VPS41: variants seen among roughly 807,000 people sequenced by gnomAD.
The protein encoded by VPS41 is VPS41 subunit of HOPS complex.
Under a neutral mutation model 130.9 loss-of-function variants are expected in VPS41, and 85 were observed. The observed-to-expected ratio is 0.65, with a 90% confidence interval of 0.55 to 0.78. The LOEUF (loss-of-function observed/expected upper bound fraction) is 0.78. VPS41 is among the 30% of genes least tolerant of loss of function. The pLI is 0.00. For synonymous variants in VPS41, 335 were observed against 332.9 expected, an observed-to-expected ratio of 1.01 and a Z score of -0.07; for missense variants, 874 against 1,018.7, an observed-to-expected ratio of 0.86 and a Z score of 1.93.
intron 2 of VPS41, among the ~76,000 whole-genome samples, chr7:38,882,869 C>T (rs1786643294): frequency 6.6e-6 from 1 of 152,214 alleles, no homozygotes; most frequent in Non-Finnish European, 1.5e-5. Flanking sequence ...ACTTATCCTC[C>T]TTAGACATTT....
intron 2 of VPS41, among the ~76,000 whole-genome samples, chr7:38,891,255 C>T (rs747937325): frequency 7.3e-5 from 11 of 151,626 alleles, no homozygotes; most frequent in Non-Finnish European, 1.5e-4. Context: ...ATATGTTTTG[C>T]TAAAAAAAAG....
At chr7:38,837,005 A>C (rs1009079064) in intron 4 of VPS41, among the ~76,000 whole-genome samples, 3 of 152,268 alleles carry the variant, frequency 2.0e-5, no homozygotes, top group East Asian at 3.8e-4. Flanking sequence ...TAAGATACTA[A>C]GAAATAGAAA....
intron 7 of VPS41, among the ~76,000 whole-genome samples, chr7:38,809,102 T>TAACAAA (rs1484337294): frequency 6.6e-6 from 1 of 152,156 alleles, no homozygotes; most frequent in Admixed American, 6.5e-5. Context: ...AGGCAACTGA[T>TAACAAA]AATGTTAATT....
intron 19 of VPS41, among the ~76,000 whole-genome samples, chr7:38,756,213 TACACACACAC>T (rs3839727): frequency 1.0e-4 from 15 of 146,554 alleles, no homozygotes; most frequent in South Asian, 4.5e-4. Context: ...AGATTTCTTT[TACACACACAC>T]ACACACACAC....
intron 25 of VPS41, among the ~76,000 whole-genome samples, chr7:38,729,114 A>G (rs1584358824): frequency 6.6e-6 from 1 of 152,210 alleles, no homozygotes; most frequent in Admixed American, 6.5e-5. Context: ...TTGCTACTTT[A>G]GAGGGCTTCC....
chr7:38,836,005 CTGTG>C (rs960706870), intron 4 of VPS41, among the ~76,000 whole-genome samples: 1 of 151,938 alleles, frequency 6.6e-6, no homozygotes, highest in African/African-American at 2.4e-5. Flanking sequence ...TGGCTTTTTA[CTGTG>C]TATTTTGCTC....
At chr7:38,760,558 CTACT>C (rs1037943174) in intron 17 of VPS41, among the ~76,000 whole-genome samples, 4 of 150,848 alleles carry the variant, frequency 2.7e-5, no homozygotes, top group African/African-American at 9.8e-5. Context: ...TACTCTCCCC[CTACT>C]TATTTATTTA....
intron 17 of VPS41, among the ~76,000 whole-genome samples, chr7:38,760,652 A>G (rs1276723595): frequency 1.3e-5 from 2 of 152,052 alleles, no homozygotes; most frequent in Non-Finnish European, 2.9e-5. Context: ...ATCTCTTTGG[A>G]AAAAGCACAG....
chr7:38,818,019 A>C (rs761575676), intron 6 of VPS41, 137 bp from the exon 7 acceptor site: 10 of 670,134 alleles, frequency 1.5e-5, no homozygotes, highest in Non-Finnish European at 2.1e-5. Context: ...TTCAAATCAT[A>C]TTTTACAACA....
At chr7:38,746,460 G>A (rs889200142) in intron 22 of VPS41, among the ~76,000 whole-genome samples, 5 of 152,064 alleles carry the variant, frequency 3.3e-5, no homozygotes, top group African/African-American at 1.2e-4. Flanking sequence ...CTTAGTAGGA[G>A]CATTAGCAGC....
chr7:38,854,045 T>C lies in VPS41; in HGVS notation c.246+8500A>G, dbSNP rs567280675. On this transcript the variant is annotated intron_variant, in intron 4 of 28. Transcript: ENST00000310301. The stretch of plus-strand genomic sequence containing the variant: ...TTTTTAATGCAGACAACTGGAAATA[T>C]GACTTGCCTTGGCATCATTTATCAG... 3.3e-5 allele frequency among the ~76,000 whole-genome samples: 5 copies of C among 152,366 alleles called. No individual in the cohort carries two copies. In the East Asian group the frequency reaches 7.7e-4, roughly 23 times the overall value.
At chr7:38,902,141 C>CT in intron 1 of VPS41, among the ~76,000 whole-genome samples, 1 of 152,190 alleles carries the variant, frequency 6.6e-6, no homozygotes. Context: ...TGACATGTGG[C>CT]CTCTCTAATG....
chr7:38,896,278 A>C (rs1425052911), intron 2 of VPS41, among the ~76,000 whole-genome samples: 2 of 152,198 alleles, frequency 1.3e-5, no homozygotes, highest in Non-Finnish European at 2.9e-5. Flanking sequence ...AGATTTCCAA[A>C]ATAAGGTAAC....
chr7:38,741,382 G>A, intron 25 of VPS41: 1 of 332,936 alleles, frequency 3.0e-6, no homozygotes, highest in Non-Finnish European at 5.9e-6. Flanking sequence ...AGATTAAGAT[G>A]CTTTGTAATT....
chr7:38,796,327 C>T (rs1016756377), intron 8 of VPS41: 6 of 342,206 alleles, frequency 1.8e-5, no homozygotes, highest in Non-Finnish European at 3.4e-5. Context: ...TTCTTACAGA[C>T]AGGTCTATAC....
At chr7:38,756,065 G>A (rs1449471668) in intron 19 of VPS41, among the ~76,000 whole-genome samples, 2 of 152,140 alleles carry the variant, frequency 1.3e-5, no homozygotes, top group Non-Finnish European at 2.9e-5. Context: ...TCTAAATACA[G>A]TACAATATAA....
At chr7:38,892,205 A>T (rs987585034) in intron 2 of VPS41, among the ~76,000 whole-genome samples, 1 of 152,240 alleles carries the variant, frequency 6.6e-6, no homozygotes, top group East Asian at 1.9e-4. Flanking sequence ...TACATAGAAG[A>T]AGAGTTTGGC....
intron 10 of VPS41, among the ~76,000 whole-genome samples, chr7:38,784,151 AT>A (rs1228769479): frequency 6.6e-6 from 1 of 152,236 alleles, no homozygotes; most frequent in Admixed American, 6.5e-5. Flanking sequence ...TTTAATGAAC[AT>A]TACTATGCTG....
intron 28 of VPS41, 112 bp downstream of exon 28, chr7:38,726,797 T>C: frequency 3.3e-6 from 3 of 908,450 alleles, no homozygotes; most frequent in Non-Finnish European, 1.6e-6. Flanking sequence ...ATCCACATTG[T>C]AATTTTTTTT....
Sources: allele counts gnomAD v4.1 joint callset (sites outside exome capture counted in the v4.1 genomes callset), GRCh38; gene constraint gnomAD v4.1.1; transcripts MANE v1.5; gene names NCBI Gene and HGNC (gene_info 2026-07-23, HGNC 2026-07-21).